The following ANGPT1 variants were observed in gnomAD, a reference collection of about 807,000 sequenced individuals.
The protein encoded by ANGPT1 is angiopoietin-1.
Under a neutral mutation model 62.2 loss-of-function variants are expected in ANGPT1, and 17 were observed. That is an observed-to-expected ratio of 0.27 (90% CI 0.19 to 0.41). The LOEUF (loss-of-function observed/expected upper bound fraction) is 0.41. Ranked by LOEUF, ANGPT1 falls within the 10% of genes least tolerant of loss-of-function variation. ANGPT1 has a pLI of 1.00. For synonymous variants in ANGPT1, 199 were observed against 198.9 expected (o/e 1.00, Z 0.00); for missense variants, 478 against 594.9 (o/e 0.80, Z 2.04).
intron 4 of ANGPT1, among the ~76,000 whole-genome samples, chr8:107,311,793 G>C (rs923383042): frequency 1.3e-5 from 2 of 152,024 alleles, no homozygotes; most frequent in Admixed American, 6.6e-5. Context: ...AGCTGGGTGC[G>C]GTGGCTCACG....
intron 7 of ANGPT1, among the ~76,000 whole-genome samples, chr8:107,268,769 C>T (rs1184435493): frequency 6.6e-6 from 1 of 151,890 alleles, no homozygotes. Flanking sequence ...CCAGATTAAG[C>T]ATTAAAACAT....
intron 6 of ANGPT1, among the ~76,000 whole-genome samples, chr8:107,286,271 A>T (rs1814138008): frequency 6.6e-6 from 1 of 152,208 alleles, no homozygotes; most frequent in African/African-American, 2.4e-5. Context: ...TAAGTTAAAT[A>T]TTAGTGGGAA....
chr8:107,369,113 T>C (rs933333379), intron 1 of ANGPT1, among the ~76,000 whole-genome samples: 1 of 152,184 alleles, frequency 6.6e-6, no homozygotes, highest in Admixed American at 6.5e-5. Flanking sequence ...ATCTGTTGCT[T>C]AGTATAGCCA....
rs566232697 is a variant in ANGPT1, at chr8:107,305,568, CAG to C, written c.809-2203_809-2202del. On this transcript the variant is annotated intron_variant, in intron 4 of 8. Transcript: ENST00000517746. ...ATTAACTTATTTTTGTGAAAACTAACAGTATAAATTTGTTGTCAAAACCATGA... is the reference window on the plus strand; with the variant it reads ...ATTAACTTATTTTTGTGAAAACTAACTATAAATTTGTTGTCAAAACCATGA... Among the ~76,000 whole-genome samples the C allele has an allele frequency of 4.7e-3, 716 of 151,860 alleles. 3 individuals are homozygous for C. The highest frequency in any genetic ancestry group is 6.3e-3 in the Non-Finnish European group (427 of 67,872).
At chr8:107,423,463 G>A (rs184527334) in intron 1 of ANGPT1, among the ~76,000 whole-genome samples, 262 of 152,266 alleles carry the variant, frequency 1.7e-3, no homozygotes, top group African/African-American at 5.9e-3. Flanking sequence ...CTGGGCCCCC[G>A]AAAGGCCATT....
intron 7 of ANGPT1, among the ~76,000 whole-genome samples, chr8:107,269,328 T>G (rs1411031092): frequency 2.0e-5 from 3 of 151,984 alleles, no homozygotes; most frequent in African/African-American, 7.2e-5. Flanking sequence ...AAAAAAAACT[T>G]CTTTGAGTTG....
chr8:107,289,763 T>TG (rs573987592), intron 6 of ANGPT1, among the ~76,000 whole-genome samples: 110 of 152,238 alleles, frequency 7.2e-4, no homozygotes, highest in Admixed American at 3.6e-3. Flanking sequence ...GCTCTGTTTA[T>TG]GGGGGTAATT....
intron 1 of ANGPT1, among the ~76,000 whole-genome samples, chr8:107,363,864 C>T (rs554764128): frequency 6.6e-6 from 1 of 152,114 alleles, no homozygotes; most frequent in Non-Finnish European, 1.5e-5. Context: ...CCTCAACTTC[C>T]TCATCTGTAA....
intron 1 of ANGPT1, among the ~76,000 whole-genome samples, chr8:107,354,915 G>GC (rs1816009566): frequency 7.0e-6 from 1 of 142,536 alleles, no homozygotes. Context: ...AGATGGTGTT[G>GC]CTTTTTTTTT....
At chr8:107,441,896 C>T (rs1811488006) in intron 1 of ANGPT1, among the ~76,000 whole-genome samples, 2 of 151,984 alleles carry the variant, frequency 1.3e-5, no homozygotes, top group African/African-American at 4.8e-5. Context: ...CCAGCCTGAC[C>T]AACATAGTGA....
At chr8:107,449,222 T>C (rs1296040549) in intron 1 of ANGPT1, among the ~76,000 whole-genome samples, 1 of 152,104 alleles carries the variant, frequency 6.6e-6, no homozygotes, top group Non-Finnish European at 1.5e-5. Flanking sequence ...AGATAGTCAG[T>C]GGAACAAAGA....
chr8:107,479,670 T>G (rs895261001), intron 1 of ANGPT1, among the ~76,000 whole-genome samples: 1 of 152,196 alleles, frequency 6.6e-6, no homozygotes, highest in Non-Finnish European at 1.5e-5. Flanking sequence ...CATAGAGTTA[T>G]AAAATAACTT....
chr8:107,345,830 C>T (rs571948786), intron 2 of ANGPT1, among the ~76,000 whole-genome samples: 1 of 152,250 alleles, frequency 6.6e-6, no homozygotes, highest in East Asian at 1.9e-4. Context: ...AAAGTATTTT[C>T]CAAAGCTAAT....
chr8:107,454,227 A>G (rs1811856635), intron 1 of ANGPT1, among the ~76,000 whole-genome samples: 2 of 152,094 alleles, frequency 1.3e-5, no homozygotes, highest in Non-Finnish European at 1.5e-5. Context: ...TTTTTAATAG[A>G]TGTACTTGAG....
rs1563590839 is a variant in ANGPT1, at chr8:107,370,338, G to GAAAGAAAGAAAGAAAGAAAGAA, written c.298-23242_298-23241insTTCTTTCTTTCTTTCTTTCTTT. On this transcript the variant is annotated intron_variant, in intron 1 of 8. Coordinates refer to ENST00000517746, the MANE Select transcript of ANGPT1 (RefSeq NM_001146.5). Reference sequence around the variant, plus strand: ...AGGAAGGAAAGAGAAAGGAAAGAAAGAAAAAGAAAGAAAGAAAGAAAGAAA... The same window carrying GAAAGAAAGAAAGAAAGAAAGAA: ...AGGAAGGAAAGAGAAAGGAAAGAAAGAAAGAAAGAAAGAAAGAAAGAAAAAAAGAAAGAAAGAAAGAAAGAAA... Among the ~76,000 whole-genome samples, 6 of 33,760 alleles carry GAAAGAAAGAAAGAAAGAAAGAA rather than the reference G, an allele frequency of 1.8e-4. 1 individual carries two copies. Among genetic ancestry groups the GAAAGAAAGAAAGAAAGAAAGAA allele is most frequent in the Admixed American group, 6.1e-4 (2 of 3,276 alleles). 22.1% of individuals were successfully genotyped at this position (33,760 alleles called of 152,430 possible). A position where few individuals can be genotyped will look rare whatever the true frequency, so the allele number is the denominator to read the frequency against.
At chr8:107,440,234 G>A (rs2130428846) in intron 1 of ANGPT1, among the ~76,000 whole-genome samples, 1 of 152,272 alleles carries the variant, frequency 6.6e-6, no homozygotes, top group African/African-American at 2.4e-5. Flanking sequence ...AGAGAATGTG[G>A]CTTGCAAACC....
intron 1 of ANGPT1, among the ~76,000 whole-genome samples, chr8:107,470,499 G>A (rs902293251): frequency 2.0e-5 from 3 of 151,900 alleles, no homozygotes; most frequent in East Asian, 1.9e-4. Context: ...GTTTTTACAA[G>A]CATAAACTTT....
At chr8:107,470,534 C>A (rs747938748) in intron 1 of ANGPT1, among the ~76,000 whole-genome samples, 2 of 152,058 alleles carry the variant, frequency 1.3e-5, no homozygotes, top group Admixed American at 6.6e-5. Context: ...GATATTAGCC[C>A]TTTGTCAGAT....
At chr8:107,295,016 C>G (rs1444361285) in intron 5 of ANGPT1, 1 of 152,066 alleles carries the variant, frequency 6.6e-6, no homozygotes, top group African/African-American at 2.4e-5. Context: ...CAGAGCTAAG[C>G]CCTGATTAAA....
Sources: gnomAD v4.1 joint callset for allele counts (sites outside exome capture counted in the v4.1 genomes callset) on GRCh38, gnomAD v4.1.1 for gene constraint, MANE v1.5 for transcripts, NCBI Gene and HGNC (gene_info 2026-07-23, HGNC 2026-07-21) for gene names.